FRY: variants seen among roughly 807,000 people sequenced by gnomAD.
FRY encodes the protein FRY microtubule binding protein, also known as protein furry homolog.
In FRY, 128 loss-of-function variants were observed where a neutral mutation model predicts 348.4. The observed-to-expected ratio is 0.37, with a 90% confidence interval of 0.32 to 0.43. FRY has a LOEUF of 0.43. Among genes scored for constraint, FRY ranks in the 20% least tolerant of loss-of-function variants. The pLI, the probability that FRY is intolerant of heterozygous loss-of-function variation, is 1.00. For synonymous variants in FRY, 1,370 were observed against 1,374.7 expected (o/e 1.00, Z 0.08); for missense variants, 2,736 against 3,695.2 (o/e 0.74, Z 6.73).
intron 2 of FRY, among the ~76,000 whole-genome samples, chr13:32,094,244 A>T (rs1012431609): frequency 6.6e-6 from 1 of 151,922 alleles, no homozygotes; most frequent in African/African-American, 2.4e-5. Flanking sequence ...GGTACATAGT[A>T]GGTGTATATA....
intron 1 of FRY, among the ~76,000 whole-genome samples, chr13:32,050,328 A>G (rs1394239746): frequency 6.6e-6 from 1 of 152,234 alleles, no homozygotes; most frequent in African/African-American, 2.4e-5. Flanking sequence ...TGTAATTTTC[A>G]TAGAAAACAA....
intron 1 of FRY, among the ~76,000 whole-genome samples, chr13:32,056,012 G>T (rs1873603161): frequency 6.6e-6 from 1 of 151,964 alleles, no homozygotes; most frequent in Non-Finnish European, 1.5e-5. Flanking sequence ...CCAATATGGT[G>T]AAACTCTGTC....
intron 1 of FRY, among the ~76,000 whole-genome samples, chr13:32,043,090 A>T (rs1166511644): frequency 6.6e-6 from 1 of 152,236 alleles, no homozygotes; most frequent in African/African-American, 2.4e-5. Flanking sequence ...CCTCACAATC[A>T]TGGAGGAAGG....
chr13:32,070,417 C>G (rs576064810), intron 1 of FRY, among the ~76,000 whole-genome samples: 1 of 152,270 alleles, frequency 6.6e-6, no homozygotes, highest in African/African-American at 2.4e-5. Context: ...TTCTAACTGG[C>G]ATGAGATGGT....
chr13:32,175,706 A>G, intron 20 of FRY, 74 bp downstream of exon 20: 1 of 880,554 alleles, frequency 1.1e-6, no homozygotes, highest in South Asian at 1.3e-5. Flanking sequence ...GTGAAAAATT[A>G]TGTGGAATAA....
rs1450039250 is a variant in FRY at position 32,244,078 on chromosome 13, C to T, written c.6724C>T (p.Leu2242=). 6.2e-6 allele frequency: 10 copies of T among 1,614,016 alleles called. No homozygotes were observed. Among genetic ancestry groups the T allele is most frequent in the South Asian group, 1.1e-5 (1 of 91,090 alleles). The change falls in exon 47 of 61, where the codon CTG becomes TTG. Residue 2242 remains leucine, a synonymous_variant. Coordinates refer to ENST00000542859, the MANE Select transcript of FRY (RefSeq NM_023037.3). ...GGGCCTCCCTAGTGTGCAGCAGCCCCTGCTCCAGGTGATCTACAGTCTTCT... is the reference window on the plus strand; with the variant it reads ...GGGCCTCCCTAGTGTGCAGCAGCCCTTGCTCCAGGTGATCTACAGTCTTCT... ...EKGLPSVQQP[L]LQVIYSLLSY...
chr13:32,051,380 G>A (rs1873318464), intron 1 of FRY, among the ~76,000 whole-genome samples: 1 of 152,130 alleles, frequency 6.6e-6, no homozygotes, highest in Non-Finnish European at 1.5e-5. Context: ...GCAGATGGAA[G>A]GGAATTAAAG....
At chr13:32,160,487 A>G (rs1400034366) in intron 16 of FRY, among the ~76,000 whole-genome samples, 2 of 152,240 alleles carry the variant, frequency 1.3e-5, no homozygotes, top group Non-Finnish European at 2.9e-5. Flanking sequence ...ACATTTTCCA[A>G]CAGAATGCAG....
Position 32,057,839 on chromosome 13 carries a change from AG to A in FRY, c.71-20994del, listed in dbSNP as rs1189256919. ...GCCGAGTGTGGTGGCGGGCACCTGT[AG>A]TCCCAGCTACTCGGGAGACTGAGGC... On this transcript the variant is annotated intron_variant, in intron 1 of 60. Transcript: ENST00000542859. 5.9e-5 allele frequency among the ~76,000 whole-genome samples: 9 copies of A among 152,166 alleles called. 1 individual carries two copies. The highest frequency in any genetic ancestry group is 5.2e-4 in the Admixed American group (8 of 15,278).
intron 1 of FRY, among the ~76,000 whole-genome samples, chr13:32,064,798 G>A (rs1473877468): frequency 1.3e-5 from 2 of 152,144 alleles, no homozygotes; most frequent in Non-Finnish European, 2.9e-5. Context: ...TTTGCAGAAT[G>A]CCTTATACTA....
chr13:32,060,821 G>T, intron 1 of FRY: 1 of 296,460 alleles, frequency 3.4e-6, no homozygotes, highest in Non-Finnish European at 6.7e-6. Context: ...CACTCTGTGA[G>T]TTGTAGGTCA....
chr13:32,087,309 A>G (rs551723667), intron 2 of FRY, among the ~76,000 whole-genome samples: 10 of 152,226 alleles, frequency 6.6e-5, no homozygotes, highest in Admixed American at 1.3e-4. Context: ...GTGTTGTTCC[A>G]GGTTCAGGCA....
chr13:32,230,578 T>C (rs1885854992), intron 40 of FRY, among the ~76,000 whole-genome samples: 1 of 152,242 alleles, frequency 6.6e-6, no homozygotes, highest in Non-Finnish European at 1.5e-5. Context: ...TTTGGGCTGA[T>C]TCCGTGTCTT....
At chr13:32,252,798 C>T (rs542790103) in intron 50 of FRY, among the ~76,000 whole-genome samples, 3 of 152,080 alleles carry the variant, frequency 2.0e-5, no homozygotes, top group Admixed American at 6.5e-5. Flanking sequence ...TATTTCTTAT[C>T]GTCTGGGAAA....
chr13:32,178,212 G>T lies in FRY; in HGVS notation c.2457G>T (p.Gln819His), dbSNP rs761127879. 6.2e-7 allele frequency: 1 copy of T among 1,614,082 alleles called. No individual in the cohort carries two copies. Among genetic ancestry groups the T allele is most frequent in the Non-Finnish European group, 8.5e-7 (1 of 1,180,024 alleles). Reference protein sequence around the residue: ...TLPLTHNVDLQWLVEWNAVLV... With the variant: ...TLPLTHNVDLHWLVEWNAVLV... ...CACTCACCCACAATGTGGATCTGCA[G>T]TGGTTGGTGGAATGGAACGCAGTCC... Residue 819 changes from glutamine (Q) to histidine (H), a missense_variant, in exon 21 of 61, where the codon CAG becomes CAT. By Grantham distance (24) the Gln-to-His change is conservative (BLOSUM62 0). This residue lies in a region of FRY where 449 missense variants were observed against 576.9 expected (regional missense o/e 0.78). Transcript: ENST00000542859.
At chr13:32,069,120 T>A (rs1874454539) in intron 1 of FRY, among the ~76,000 whole-genome samples, 1 of 152,102 alleles carries the variant, frequency 6.6e-6, no homozygotes, top group African/African-American at 2.4e-5. Flanking sequence ...TTTCACTGTG[T>A]TAGCCAGGAT....
At position 32,059,195 on chromosome 13, in the gene FRY, A is replaced by G. The variant is rs554261594; in HGVS notation, c.71-19639A>G. 1.4e-3 allele frequency among the ~76,000 whole-genome samples: 211 copies of G among 152,064 alleles called. 1 individual carries two copies. Among genetic ancestry groups the G allele is most frequent in the African/African-American group, 4.3e-3 (177 of 41,488 alleles). ...ATACTTTTTTTTTTCATATTCCTACAAGGCTGTTTTAAGTAATGTTCTTTT... is the reference window on the plus strand; with the variant it reads ...ATACTTTTTTTTTTCATATTCCTACGAGGCTGTTTTAAGTAATGTTCTTTT... On this transcript the variant is annotated intron_variant, in intron 1 of 60. Coordinates refer to ENST00000542859, the MANE Select transcript of FRY (RefSeq NM_023037.3).
At chr13:32,103,471 A>G (rs1877301279) in intron 3 of FRY, among the ~76,000 whole-genome samples, 2 of 152,220 alleles carry the variant, frequency 1.3e-5, no homozygotes, top group Admixed American at 1.3e-4. Context: ...ACACATGGAC[A>G]CAGGAAGGGG....
At chr13:32,257,921 AG>A in intron 51 of FRY, 1 of 1,559,654 alleles carries the variant, frequency 6.4e-7, no homozygotes, top group Non-Finnish European at 8.8e-7. Flanking sequence ...CATTGTAAAT[AG>A]ACCTTTTGTT....
Sources: allele counts gnomAD v4.1 joint callset (sites outside exome capture counted in the v4.1 genomes callset), GRCh38; gene constraint gnomAD v4.1.1; regional missense constraint gnomAD v4.1.1; transcripts MANE v1.5; gene names NCBI Gene and HGNC (gene_info 2026-07-23, HGNC 2026-07-21).